HPSE2: variants seen among roughly 807,000 people sequenced by gnomAD.
HPSE2 encodes heparanase 2 (inactive).
In HPSE2, 38 loss-of-function variants were observed where a neutral mutation model predicts 60.5. That is an observed-to-expected ratio of 0.63 (90% CI 0.48 to 0.82). The LOEUF (loss-of-function observed/expected upper bound fraction) is 0.82, where lower values mean the gene tolerates loss of function less well. Among genes scored for constraint, HPSE2 ranks in the 40% least tolerant of loss-of-function variants. The pLI is 0.00. For synonymous variants in HPSE2, 295 were observed against 293.2 expected (o/e 1.01, Z -0.06); for missense variants, 713 against 740.4 (o/e 0.96, Z 0.43).
Position 98,985,559 on chromosome 10 carries a change from A to G in HPSE2, c.610+158679T>C, listed in dbSNP as rs527787423. 5.8e-4 allele frequency among the ~76,000 whole-genome samples: 89 copies of G among 152,270 alleles called. 2 individuals are homozygous for G. The Middle Eastern group carries it at 0.02, about 35-fold the overall frequency. ...AACATGCCAAATTGTAAAGACCATC[A>G]AGGCTAGGAAGAAACTGCATCAACT... On this transcript the variant is annotated intron_variant, in intron 3 of 11. Coordinates refer to ENST00000370552, the MANE Select transcript of HPSE2 (RefSeq NM_021828.5).
chr10:98,511,489 T>C (rs1448214631), intron 9 of HPSE2, among the ~76,000 whole-genome samples: 1 of 152,026 alleles, frequency 6.6e-6, no homozygotes, highest in Admixed American at 6.6e-5. Context: ...AATATATTTT[T>C]TACCTCATGA....
At chr10:98,620,321 G>A (rs1946039191) in intron 8 of HPSE2, among the ~76,000 whole-genome samples, 1 of 152,108 alleles carries the variant, frequency 6.6e-6, no homozygotes, top group African/African-American at 2.4e-5. Flanking sequence ...TTTACACTGT[G>A]TTTTGAACTT....
At chr10:98,887,096 T>C (rs1361886398) in intron 3 of HPSE2, among the ~76,000 whole-genome samples, 1 of 152,150 alleles carries the variant, frequency 6.6e-6, no homozygotes, top group Non-Finnish European at 1.5e-5. Context: ...TACCAAACAA[T>C]GAGTTTTCCT....
chr10:99,146,916 G>C (rs2135786282), intron 2 of HPSE2, among the ~76,000 whole-genome samples: 1 of 152,266 alleles, frequency 6.6e-6, no homozygotes, highest in South Asian at 2.1e-4. Context: ...TAAAAGTGTT[G>C]AACAGAAAAA....
At chr10:99,236,510 G>C (rs1035223003), upstream of HPSE2, among the ~76,000 whole-genome samples, 1 of 152,076 alleles carries the variant, frequency 6.6e-6, no homozygotes. Context: ...AGTTGCAGAG[G>C]GGTCTTGAGG....
At chr10:99,217,187 A>G (rs1397794432) in intron 2 of HPSE2, among the ~76,000 whole-genome samples, 2 of 150,766 alleles carry the variant, frequency 1.3e-5, no homozygotes, top group South Asian at 4.2e-4. Context: ...CATAAGTAGT[A>G]ACATTAGTAT....
chr10:98,542,166 T>C (rs1388144373), intron 9 of HPSE2, among the ~76,000 whole-genome samples: 1 of 152,116 alleles, frequency 6.6e-6, no homozygotes, highest in Non-Finnish European at 1.5e-5. Context: ...CATTCGCGGT[T>C]CACGAAAATC....
rs546663195 is a variant in HPSE2, at chr10:99,103,086, C to A, written c.610+41152G>T. On this transcript the variant is annotated intron_variant, in intron 3 of 11. Transcript: ENST00000370552. ...GAAAACCGGCATAAGACAGGGATGC[C>A]CTTTCTCACCCCTCCTAGTCAACAT... Among the ~76,000 whole-genome samples, 6 of 152,242 alleles carry A rather than the reference C, an allele frequency of 3.9e-5. No individual in the cohort carries two copies. The South Asian group carries it at 1.2e-3, about 32-fold the overall frequency.
chr10:99,295,656 C>T, the HPSE2 span, among the ~76,000 whole-genome samples: 338 of 152,172 alleles, frequency 2.2e-3, 1 homozygote, highest in Non-Finnish European at 3.9e-3. Flanking sequence ...TAGATCTCAA[C>T]GATACACTTT....
intron 3 of HPSE2, among the ~76,000 whole-genome samples, chr10:99,117,861 T>C (rs551033105): frequency 6.6e-6 from 1 of 152,286 alleles, no homozygotes; most frequent in African/African-American, 2.4e-5. Flanking sequence ...CCCTAACTCA[T>C]TCTAGGAGGC....
intron 3 of HPSE2, among the ~76,000 whole-genome samples, chr10:99,097,381 A>G (rs1490040666): frequency 6.6e-6 from 1 of 152,214 alleles, no homozygotes; most frequent in African/African-American, 2.4e-5. Flanking sequence ...ACATTTGATC[A>G]TTTGAATAAT....
the HPSE2 span, among the ~76,000 whole-genome samples, chr10:99,283,177 C>T: frequency 7.0e-6 from 1 of 142,826 alleles, no homozygotes. Context: ...CAGAGTAAGA[C>T]TCCGTCTCAG....
At chr10:98,965,516 C>T (rs1247156507) in intron 3 of HPSE2, among the ~76,000 whole-genome samples, 1 of 152,040 alleles carries the variant, frequency 6.6e-6, no homozygotes, top group East Asian at 1.9e-4. Context: ...GTCTCTTCTA[C>T]CTCTAAAGTT....
At chr10:98,913,524 T>C (rs1188874789) in intron 3 of HPSE2, among the ~76,000 whole-genome samples, 1 of 152,172 alleles carries the variant, frequency 6.6e-6, no homozygotes, top group African/African-American at 2.4e-5. Context: ...CAATAATAGT[T>C]GAAAAAAGAA....
chr10:98,636,546 T>C (rs1464443308), intron 7 of HPSE2, among the ~76,000 whole-genome samples: 4 of 152,184 alleles, frequency 2.6e-5, no homozygotes, highest in African/African-American at 9.6e-5. Context: ...AGCCAAGTTA[T>C]CCTAGTTTGA....
chr10:98,653,249 A>G (rs1300393774), intron 6 of HPSE2, among the ~76,000 whole-genome samples: 1 of 152,050 alleles, frequency 6.6e-6, no homozygotes. Flanking sequence ...TTATGTTTAA[A>G]TTGGGTTTAT....
intron 3 of HPSE2, among the ~76,000 whole-genome samples, chr10:98,755,566 ATTC>A (rs2134368473): frequency 6.6e-6 from 1 of 152,376 alleles, no homozygotes; most frequent in South Asian, 2.1e-4. Context: ...CGGAATATAC[ATTC>A]TTCTCATTTG....
chr10:99,164,991 G>A (rs905033192), intron 2 of HPSE2, among the ~76,000 whole-genome samples: 15 of 145,682 alleles, frequency 1.0e-4, no homozygotes, highest in East Asian at 2.1e-4. Context: ...CCTGAGGCAG[G>A]AGAACCACTT....
At chr10:98,877,468 G>C (rs1952908908) in intron 3 of HPSE2, among the ~76,000 whole-genome samples, 1 of 151,658 alleles carries the variant, frequency 6.6e-6, no homozygotes, top group Admixed American at 6.6e-5. Context: ...TTGACATTTT[G>C]TTTAATCTTT....
Sources: allele counts gnomAD v4.1 joint callset (sites outside exome capture counted in the v4.1 genomes callset), GRCh38; gene constraint gnomAD v4.1.1; transcripts MANE v1.5; gene names NCBI Gene and HGNC (gene_info 2026-07-23, HGNC 2026-07-21).